Variants in TRPC7 observed in about 807,000 individuals in gnomAD.
The protein encoded by TRPC7 is short transient receptor potential channel 7.
Under a neutral mutation model 90.1 loss-of-function variants are expected in TRPC7, and 42 were observed. That is an observed-to-expected ratio of 0.47 (90% CI 0.36 to 0.60). The LOEUF (loss-of-function observed/expected upper bound fraction) is 0.60, where lower values mean the gene tolerates loss of function less well. TRPC7 is among the 20% of genes least tolerant of loss of function. The probability of loss-of-function intolerance (pLI) is 0.00; values close to 1 mark genes in which losing one functional copy is unlikely to be tolerated. For missense variants in TRPC7, 955 were observed against 1,112.3 expected, an observed-to-expected ratio of 0.86 and a Z score of 2.01; for synonymous variants, 451 against 436.3, an observed-to-expected ratio of 1.03 and a Z score of -0.42.
At chr5:136,322,230 G>A (rs1003996962) in intron 2 of TRPC7, among the ~76,000 whole-genome samples, 1 of 152,090 alleles carries the variant, frequency 6.6e-6, no homozygotes, top group African/African-American at 2.4e-5. Flanking sequence ...GGTCAGGCTG[G>A]TCTTGAACTC....
chr5:136,239,760 C>A (rs1756098428), intron 7 of TRPC7, among the ~76,000 whole-genome samples: 1 of 152,268 alleles, frequency 6.6e-6, no homozygotes. Context: ...TCTAGCTCAG[C>A]TCCTTTTGTA....
In TRPC7 at chr5:136,363,206, T is replaced by G. The variant is rs1760621675; in HGVS notation, c.2+2047A>C. ...GGTGACTGAGCAGAAAATTGAGACA[T>G]TCTCACTTCTTCACACTACTCCTGA... On this transcript the variant is annotated intron_variant, in intron 1 of 11. Coordinates refer to ENST00000513104, the MANE Select transcript of TRPC7 (RefSeq NM_020389.3). Among the ~76,000 whole-genome samples the G allele has an allele frequency of 2.6e-5, 4 of 152,254 alleles. No individual in the cohort carries two copies. In the South Asian group the frequency reaches 8.3e-4, roughly 32 times the overall value.
In TRPC7 at chr5:136,356,818, G is replaced by C. The variant is rs1346982644; in HGVS notation, c.570C>G (p.Ile190Met). ...TGCAGAAGTAGTCGTGGGGCCGCTC[G>C]ATGCGGGCGCCCTTGAGCAGCAGGA... ...VHILLLKGAR[I>M]ERPHDYFCKC... The change falls in exon 2 of 12, where the codon ATC (isoleucine) becomes ATG (methionine). Residue 190 changes from isoleucine to methionine, a missense_variant. This residue lies in a region of TRPC7 where 484 missense variants were observed against 509.6 expected (regional missense o/e 0.95). Transcript: ENST00000513104. The C allele has an allele frequency of 4.3e-6, 7 of 1,613,414 alleles. No individual in the cohort carries two copies. The highest frequency in any genetic ancestry group is 3.4e-6 in the Non-Finnish European group (4 of 1,179,688).
intron 3 of TRPC7, among the ~76,000 whole-genome samples, chr5:136,285,376 C>A (rs932295771): frequency 6.6e-6 from 1 of 152,136 alleles, no homozygotes; most frequent in African/African-American, 2.4e-5. Flanking sequence ...CAGACAGTCT[C>A]AAAAAGTTCC....
intron 1 of TRPC7, among the ~76,000 whole-genome samples, chr5:136,363,497 A>G (rs1297678641): frequency 6.6e-6 from 1 of 152,168 alleles, no homozygotes; most frequent in African/African-American, 2.4e-5. Flanking sequence ...AAAGATATAT[A>G]CCTAACTACC....
intron 10 of TRPC7, among the ~76,000 whole-genome samples, chr5:136,221,714 C>T (rs572988291): frequency 6.6e-6 from 1 of 152,286 alleles, no homozygotes; most frequent in South Asian, 2.1e-4. Flanking sequence ...TCAGACACAA[C>T]AATAGAAGAA....
chr5:136,364,671 G>A (rs1040270264), intron 1 of TRPC7, among the ~76,000 whole-genome samples: 1 of 152,134 alleles, frequency 6.6e-6, no homozygotes, highest in Non-Finnish European at 1.5e-5. Flanking sequence ...ACTTAAAGGG[G>A]AGATTATGAG....
chr5:136,317,043 GGTAA>G (rs1442115945), intron 2 of TRPC7, among the ~76,000 whole-genome samples: 1 of 152,188 alleles, frequency 6.6e-6, no homozygotes, highest in Non-Finnish European at 1.5e-5. Context: ...TAGAGAAAGA[GGTAA>G]GTAACTGCTT....
rs777206991 is a variant in TRPC7, at chr5:136,266,328, C to A, written c.1237G>T (p.Val413Phe). The change falls in exon 5 of 12, where the codon GTT becomes TTT. Residue 413 changes from valine to phenylalanine, a missense_variant. Physicochemically the swap from Val to Phe is conservative, Grantham distance 50. Around this residue, in one of 4 missense-constraint regions of TRPC7, gnomAD observed 484 missense variants for 509.6 expected, o/e 0.95. Transcript: ENST00000513104. ...AAGGTTTCGTTTGGCAGGGTTTTAA[C>A]ACCTTCAAATCGGTCAGATGCATTC... Reference protein sequence around the residue: ...VVNASDRFEGVKTLPNETFTD... With the variant: ...VVNASDRFEGFKTLPNETFTD... 2 of 1,613,788 alleles carry A rather than the reference C, an allele frequency of 1.2e-6. No homozygotes were observed. Among genetic ancestry groups the A allele is most frequent in the African/African-American group, 2.7e-5 (2 of 74,920 alleles).
Position 136,357,251 on chromosome 5 carries a change from C to A in TRPC7, c.137G>T (p.Arg46Leu), listed in dbSNP as rs1357755967. The change falls in exon 2 of 12, where the codon CGC (arginine) becomes CTC (leucine). Residue 46 changes from arginine to leucine, a missense_variant. By Grantham distance (102) the Arg-to-Leu change is moderately radical. Coordinates refer to ENST00000513104, the MANE Select transcript of TRPC7 (RefSeq NM_020389.3). ...GCCATACTCAGCCGAGTCCAGGAAG[C>A]GCTCCTCCTCGGGCGTCAGACTGGT... is the stretch of plus-strand genomic sequence containing the variant. ...KGTSLTPEEE[R>L]FLDSAEYGNI... 2 of 1,613,692 alleles carry A rather than the reference C, an allele frequency of 1.2e-6. No individual in the cohort carries two copies. Among genetic ancestry groups the A allele is most frequent in the Non-Finnish European group, 1.7e-6 (2 of 1,179,960 alleles).
intron 1 of TRPC7, among the ~76,000 whole-genome samples, chr5:136,358,109 A>G (rs542470646): frequency 6.6e-6 from 1 of 152,292 alleles, no homozygotes; most frequent in East Asian, 1.9e-4. Flanking sequence ...CACACAACCT[A>G]GGCACCTATT....
At chr5:136,219,498 G>A (rs1755380802) in intron 10 of TRPC7, among the ~76,000 whole-genome samples, 2 of 152,160 alleles carry the variant, frequency 1.3e-5, no homozygotes, top group Non-Finnish European at 2.9e-5. Context: ...AGGCACAGTG[G>A]CTCATGCCTG....
chr5:136,340,108 T>C (rs1246852060), intron 2 of TRPC7, among the ~76,000 whole-genome samples: 1 of 152,182 alleles, frequency 6.6e-6, no homozygotes, highest in Non-Finnish European at 1.5e-5. Context: ...AAAAATGTGG[T>C]ATATATACAC....
At chr5:136,333,894 A>G (rs1759576718) in intron 2 of TRPC7, among the ~76,000 whole-genome samples, 1 of 152,234 alleles carries the variant, frequency 6.6e-6, no homozygotes, top group African/African-American at 2.4e-5. Context: ...TATAATTACA[A>G]AAACATTTTG....
At chr5:136,215,728 C>T (rs1755243728) in intron 11 of TRPC7, among the ~76,000 whole-genome samples, 1 of 150,420 alleles carries the variant, frequency 6.6e-6, no homozygotes, top group African/African-American at 2.5e-5. Flanking sequence ...GAGGCTGAGG[C>T]AGGAGAATCA....
intron 3 of TRPC7, among the ~76,000 whole-genome samples, chr5:136,313,217 CT>C (rs35307807): frequency 4.0e-5 from 6 of 151,894 alleles, no homozygotes; most frequent in East Asian, 1.9e-4. Flanking sequence ...AGCACAAAAT[CT>C]TTTTTTTAAG....
chr5:136,311,938 G>A (rs946319455), intron 3 of TRPC7, among the ~76,000 whole-genome samples: 3 of 152,154 alleles, frequency 2.0e-5, no homozygotes, highest in African/African-American at 7.2e-5. Flanking sequence ...ACTGAAGCCT[G>A]GAGATATTTG....
intron 5 of TRPC7, among the ~76,000 whole-genome samples, chr5:136,254,970 T>A (rs1227287890): frequency 1.3e-5 from 2 of 152,160 alleles, no homozygotes; most frequent in Non-Finnish European, 2.9e-5. Context: ...ACTGCAGATG[T>A]GATGGAAATA....
intron 2 of TRPC7, among the ~76,000 whole-genome samples, chr5:136,355,157 G>T (rs946944291): frequency 6.6e-6 from 1 of 152,180 alleles, no homozygotes; most frequent in African/African-American, 2.4e-5. Flanking sequence ...ATGGCAGCAT[G>T]AGAAATAATG....
Sources: gnomAD v4.1 joint callset for allele counts (sites outside exome capture counted in the v4.1 genomes callset) on GRCh38, gnomAD v4.1.1 for gene constraint, gnomAD v4.1.1 regional missense constraint, MANE v1.5 for transcripts, NCBI Gene and HGNC (gene_info 2026-07-23, HGNC 2026-07-21) for gene names.